The following ADAMTS20 variants were observed in gnomAD, a reference collection of about 807,000 sequenced individuals.
ADAMTS20 encodes the protein ADAM metallopeptidase with thrombospondin type 1 motif 20.
ADAMTS20 carries 225 observed loss-of-function variants against 260.1 expected under a neutral mutation model. That is an observed-to-expected ratio of 0.87 (90% CI 0.78 to 0.97). The LOEUF (loss-of-function observed/expected upper bound fraction) is 0.97. Ranked by LOEUF, ADAMTS20 falls within the 50% of genes least tolerant of loss-of-function variation. The pLI, the probability that ADAMTS20 is intolerant of heterozygous loss-of-function variation, is 0.00. For missense variants in ADAMTS20, 2,400 were observed against 2,337.7 expected (o/e 1.03, Z -0.55); for synonymous variants, 802 against 769.5 (o/e 1.04, Z -0.70).
intron 3 of ADAMTS20, among the ~76,000 whole-genome samples, chr12:43,515,808 A>C (rs1385739455): frequency 6.6e-6 from 1 of 152,232 alleles, no homozygotes; most frequent in Non-Finnish European, 1.5e-5. Context: ...GATGTTGACA[A>C]AAGTAGGAAA....
chr12:43,418,772 C>G (rs750461862), intron 28 of ADAMTS20, among the ~76,000 whole-genome samples: 13 of 152,142 alleles, frequency 8.5e-5, no homozygotes, highest in Admixed American at 1.3e-4. Context: ...AAATATTGAA[C>G]TACAGCTTCT....
At chr12:43,453,054 C>T (rs919282804) in intron 12 of ADAMTS20, among the ~76,000 whole-genome samples, 1 of 151,982 alleles carries the variant, frequency 6.6e-6, no homozygotes, top group African/African-American at 2.4e-5. Context: ...AGGCAGGTGC[C>T]ATGTTAAATA....
At chr12:43,440,107 A>C in intron 16 of ADAMTS20, 38 bp from the exon 17 acceptor site, 2 of 1,383,162 alleles carry the variant, frequency 1.4e-6, no homozygotes, top group Non-Finnish European at 2.0e-6. Flanking sequence ...AAATAGTAAC[A>C]CCAATCAACA....
chr12:43,547,764 G>A (rs1461643151), intron 2 of ADAMTS20, among the ~76,000 whole-genome samples: 1 of 152,164 alleles, frequency 6.6e-6, no homozygotes, highest in South Asian at 2.1e-4. Flanking sequence ...GGATATTATA[G>A]CCAGAATTCA....
intron 36 of ADAMTS20, among the ~76,000 whole-genome samples, chr12:43,373,797 A>C (rs920977095): frequency 1.4e-4 from 20 of 144,256 alleles, no homozygotes; most frequent in Admixed American, 1.4e-3. Context: ...CTCCTGCCTC[A>C]GCCTCCCAAG....
intron 4 of ADAMTS20, among the ~76,000 whole-genome samples, chr12:43,494,319 T>A (rs1301157954): frequency 2.0e-5 from 3 of 152,190 alleles, no homozygotes; most frequent in African/African-American, 7.2e-5. Flanking sequence ...CTTATGAAGC[T>A]TACAGTTTGT....
chr12:43,522,998 A>G (rs1447385385), intron 3 of ADAMTS20, among the ~76,000 whole-genome samples: 3 of 152,220 alleles, frequency 2.0e-5, no homozygotes, highest in East Asian at 3.8e-4. Context: ...AGAAAAAGAT[A>G]TCACTTTTCC....
chr12:43,530,063 A>T (rs1943199375), intron 3 of ADAMTS20, among the ~76,000 whole-genome samples: 1 of 152,146 alleles, frequency 6.6e-6, no homozygotes, highest in Non-Finnish European at 1.5e-5. Context: ...TTTGTTAGAT[A>T]AATATTGTAG....
At chr12:43,462,286 G>A (rs1053796137) in intron 11 of ADAMTS20, among the ~76,000 whole-genome samples, 1 of 152,142 alleles carries the variant, frequency 6.6e-6, no homozygotes, top group Non-Finnish European at 1.5e-5. Context: ...TGGCCACTGA[G>A]GCCATCCTGG....
chr12:43,476,937 T>C (rs1233393016), intron 7 of ADAMTS20, among the ~76,000 whole-genome samples: 1 of 146,874 alleles, frequency 6.8e-6, no homozygotes, highest in Non-Finnish European at 1.5e-5. Flanking sequence ...ATGGCACATG[T>C]ATACATATGT....
intron 7 of ADAMTS20, among the ~76,000 whole-genome samples, chr12:43,488,651 C>T (rs1284613711): frequency 1.3e-5 from 2 of 152,144 alleles, no homozygotes; most frequent in South Asian, 2.1e-4. Flanking sequence ...AGAAGCAAAA[C>T]AGCAGCACAT....
chr12:43,409,365 G>A (rs1940980287), intron 28 of ADAMTS20, among the ~76,000 whole-genome samples: 1 of 151,748 alleles, frequency 6.6e-6, no homozygotes, highest in Admixed American at 6.6e-5. Flanking sequence ...CACTTTGGGA[G>A]GCCGAGACGG....
chr12:43,410,744 GAGAAACAACTGTCTTCA>G (rs1329318584), intron 28 of ADAMTS20, among the ~76,000 whole-genome samples: 2 of 152,216 alleles, frequency 1.3e-5, no homozygotes, highest in Non-Finnish European at 2.9e-5. Context: ...AGAAGGCAGA[GAGAAACAACTGTCTTCA>G]AATATTTGCC....
chr12:43,533,702 C>A (rs1943257328), intron 2 of ADAMTS20, among the ~76,000 whole-genome samples: 1 of 6,174 alleles, frequency 1.6e-4, no homozygotes, highest in Admixed American at 1.9e-3. Flanking sequence ...AAGCTGGAGG[C>A]ATCACACTAC....
chr12:43,540,368 C>T (rs1943360537), intron 2 of ADAMTS20, among the ~76,000 whole-genome samples: 1 of 152,080 alleles, frequency 6.6e-6, no homozygotes, highest in African/African-American at 2.4e-5. Flanking sequence ...GTCTTTATAA[C>T]TTAAATGAAA....
intron 7 of ADAMTS20, among the ~76,000 whole-genome samples, chr12:43,483,140 G>T (rs1942467272): frequency 6.6e-6 from 1 of 152,198 alleles, no homozygotes; most frequent in Non-Finnish European, 1.5e-5. Context: ...CTGCTACTGG[G>T]AAACTAGAGG....
chr12:43,458,992 G>A (rs1224080037), intron 11 of ADAMTS20, among the ~76,000 whole-genome samples: 1 of 152,188 alleles, frequency 6.6e-6, no homozygotes, highest in Non-Finnish European at 1.5e-5. Context: ...TATCACCTGA[G>A]AGCACAGCAG....
At chr12:43,389,572 A>T (rs991654867) in intron 29 of ADAMTS20, among the ~76,000 whole-genome samples, 4 of 152,052 alleles carry the variant, frequency 2.6e-5, no homozygotes, top group Non-Finnish European at 5.9e-5. Context: ...CATGGATTGT[A>T]GTTTGGTGCC....
chr12:43,446,427 T>C (rs1941761604), intron 15 of ADAMTS20, among the ~76,000 whole-genome samples, 168 bp downstream of exon 15: 1 of 152,204 alleles, frequency 6.6e-6, no homozygotes, highest in Admixed American at 6.5e-5. Flanking sequence ...TCTGGTCTAA[T>C]ACAGTATTTA....
Sources: gnomAD v4.1 joint callset for allele counts (sites outside exome capture counted in the v4.1 genomes callset) on GRCh38, gnomAD v4.1.1 for gene constraint, MANE v1.5 for transcripts, NCBI Gene and HGNC (gene_info 2026-07-23, HGNC 2026-07-21) for gene names.